MB21D2: variants seen among roughly 807,000 people sequenced by gnomAD.
MB21D2 encodes Mab-21 domain containing 2.
In MB21D2, 9 loss-of-function variants were observed where a neutral mutation model predicts 33.3. The ratio of observed to expected loss-of-function variants is 0.27; its 90% CI spans 0.16 to 0.47. The LOEUF (loss-of-function observed/expected upper bound fraction) is 0.47, where lower values mean the gene tolerates loss of function less well. Among genes scored for constraint, MB21D2 ranks in the 20% least tolerant of loss-of-function variants. MB21D2 has a pLI of 0.99. For synonymous variants in MB21D2, 241 were observed against 236.3 expected, an observed-to-expected ratio of 1.02 and a Z score of -0.18; for missense variants, 540 against 624.6, an observed-to-expected ratio of 0.86 and a Z score of 1.44.
At chr3:192,839,692 T>C (rs1712526812) in intron 1 of MB21D2, among the ~76,000 whole-genome samples, 1 of 152,240 alleles carries the variant, frequency 6.6e-6, no homozygotes, top group East Asian at 1.9e-4. Context: ...AGAATTCTAC[T>C]GTCATCAGAA....
At chr3:192,844,417 C>T (rs9832714) in intron 1 of MB21D2, among the ~76,000 whole-genome samples, 329 of 152,338 alleles carry the variant, frequency 2.2e-3, no homozygotes, top group African/African-American at 7.3e-3. Context: ...GCAGAAGTAT[C>T]TCTTCCCAAA....
intron 1 of MB21D2, among the ~76,000 whole-genome samples, chr3:192,897,628 A>T (rs943306853): frequency 6.6e-6 from 1 of 152,190 alleles, no homozygotes; most frequent in Non-Finnish European, 1.5e-5. Flanking sequence ...TGTTGGTCAG[A>T]TCAAACACAT....
rs542362283 is a variant in MB21D2, at chr3:192,832,714, C to T, written c.212-33064G>A. Among the ~76,000 whole-genome samples the T allele has an allele frequency of 1.4e-4, 21 of 151,952 alleles. No homozygotes were observed. In the South Asian group the frequency reaches 3.8e-3, roughly 27 times the overall value. On this transcript the variant is annotated intron_variant, in intron 1 of 1. Transcript: ENST00000392452. ...CTGGGGCAGGAGAATCACTTGGACCCGGGAGGCGGAGGTTGCAGTGAGCCG... is the reference window on the plus strand; with the variant it reads ...CTGGGGCAGGAGAATCACTTGGACCTGGGAGGCGGAGGTTGCAGTGAGCCG...
intron 1 of MB21D2, among the ~76,000 whole-genome samples, chr3:192,888,634 A>G (rs61578422): frequency 0.1 from 15,145 of 152,074 alleles, 941 homozygotes; most frequent in East Asian, 0.17. Context: ...TATCACTGAC[A>G]ATTCTTAAGC....
chr3:192,869,318 G>GAGGGGAAA (rs1713239136), intron 1 of MB21D2, among the ~76,000 whole-genome samples: 1 of 136,632 alleles, frequency 7.3e-6, no homozygotes, highest in Non-Finnish European at 1.5e-5. Flanking sequence ...AGGAGGGAAG[G>GAGGGGAAA]AGGGAAAAAG....
intron 1 of MB21D2, among the ~76,000 whole-genome samples, chr3:192,816,222 T>A (rs76164779): frequency 0.11 from 13,170 of 122,494 alleles, 582 homozygotes; most frequent in Middle Eastern, 0.18. Context: ...ATTTTTTTTT[T>A]TAAAAAAAAA....
At chr3:192,800,577 A>G (rs1711541997) in intron 1 of MB21D2, among the ~76,000 whole-genome samples, 1 of 152,222 alleles carries the variant, frequency 6.6e-6, no homozygotes, top group African/African-American at 2.4e-5. Flanking sequence ...ATGGAGAAGA[A>G]AAATAAGTTA....
At chr3:192,813,505 C>T (rs946592702) in intron 1 of MB21D2, among the ~76,000 whole-genome samples, 9 of 152,034 alleles carry the variant, frequency 5.9e-5, no homozygotes, top group Middle Eastern at 3.2e-3. Context: ...AACCTATCTT[C>T]CATCAAGTCT....
At chr3:192,828,810 G>A (rs898936308) in intron 1 of MB21D2, among the ~76,000 whole-genome samples, 17 of 150,166 alleles carry the variant, frequency 1.1e-4, no homozygotes, top group East Asian at 7.9e-4. Flanking sequence ...CATCACACCC[G>A]GCTAATTTTT....
At chr3:192,855,965 G>A (rs150999245) in intron 1 of MB21D2, among the ~76,000 whole-genome samples, 1 of 152,204 alleles carries the variant, frequency 6.6e-6, no homozygotes, top group East Asian at 1.9e-4. Context: ...GCTGAGGCAG[G>A]AGAATCACTT....
At chr3:192,814,633 T>C (rs6766909) in intron 1 of MB21D2, among the ~76,000 whole-genome samples, 10,623 of 151,946 alleles carry the variant, frequency 0.07, 1,243 homozygotes, top group African/African-American at 0.24. Flanking sequence ...GAGGCCAAGG[T>C]GGGCAGATCA....
At chr3:192,828,591 CATATATATATATATAT>C (rs58394740) in intron 1 of MB21D2, among the ~76,000 whole-genome samples, 14 of 54,122 alleles carry the variant, frequency 2.6e-4, no homozygotes, top group Non-Finnish European at 3.1e-4. Flanking sequence ...TCACCCCCCC[CATATATATATATATAT>C]ATATATATAT....
intron 1 of MB21D2, among the ~76,000 whole-genome samples, chr3:192,837,632 C>T (rs1712469329): frequency 6.6e-6 from 1 of 152,196 alleles, no homozygotes; most frequent in Admixed American, 6.5e-5. Flanking sequence ...AAATGACAAT[C>T]CCTGAATGAG....
chr3:192,856,239 C>T (rs1712914070), intron 1 of MB21D2, among the ~76,000 whole-genome samples: 1 of 152,158 alleles, frequency 6.6e-6, no homozygotes, highest in Non-Finnish European at 1.5e-5. Flanking sequence ...CAGTAACTTA[C>T]AGTCGCTTGC....
intron 1 of MB21D2, among the ~76,000 whole-genome samples, chr3:192,875,152 C>T (rs1261204620): frequency 2.0e-5 from 3 of 152,242 alleles, no homozygotes; most frequent in African/African-American, 7.2e-5. Flanking sequence ...GACCATGCTA[C>T]ACCATGTTTG....
At chr3:192,915,206 G>C (rs928464104) in intron 1 of MB21D2, among the ~76,000 whole-genome samples, 2 of 151,988 alleles carry the variant, frequency 1.3e-5, no homozygotes, top group Non-Finnish European at 2.9e-5. Context: ...ATGAGGGCCT[G>C]GTACCACCCA....
intron 1 of MB21D2, among the ~76,000 whole-genome samples, chr3:192,861,926 T>C (rs1206900064): frequency 6.6e-6 from 1 of 152,200 alleles, no homozygotes; most frequent in East Asian, 1.9e-4. Context: ...TAAAAGTGTT[T>C]CAACAAACTG....
rs1712233119 is a variant in MB21D2 at position 192,828,593 on chromosome 3, TATATATATATATATATA to T, written c.212-28960_212-28944del. Among the ~76,000 whole-genome samples, 70 of 13,700 alleles carry T rather than the reference TATATATATATATATATA, an allele frequency of 5.1e-3. 5 individuals carry two copies. Among genetic ancestry groups the T allele is most frequent in the Non-Finnish European group, 0.013 (43 of 3,186 alleles). 9.0% of individuals were successfully genotyped at this position (13,700 alleles called of 152,430 possible). ...TATACAATAAAACTCACCCCCCCCA[TATATATATATATATATA>T]TATATATATATATATATATATATAT... On this transcript the variant is annotated intron_variant, in intron 1 of 1. Transcript: ENST00000392452.
In MB21D2 at chr3:192,864,040, T is replaced by C. The variant is rs149041012; in HGVS notation, c.211+53590A>G. On this transcript the variant is annotated intron_variant, in intron 1 of 1. Coordinates refer to ENST00000392452, the MANE Select transcript of MB21D2 (RefSeq NM_178496.4). ...GTGACAGATGTCTTTACATCAGTAG[T>C]GGATGCTGTGACAGAGGCATTTACA... Among the ~76,000 whole-genome samples the C allele has an allele frequency of 4.7e-3, 720 of 151,702 alleles. 5 individuals are homozygous for C. Among genetic ancestry groups the C allele is most frequent in the African/African-American group, 0.017 (691 of 41,320 alleles).
Sources: allele counts gnomAD v4.1 joint callset (sites outside exome capture counted in the v4.1 genomes callset), GRCh38; gene constraint gnomAD v4.1.1; transcripts MANE v1.5; gene names NCBI Gene and HGNC (gene_info 2026-07-23, HGNC 2026-07-21).